The following PTPRD variants were observed in gnomAD, a reference collection of about 807,000 sequenced individuals.
PTPRD encodes the protein receptor-type tyrosine-protein phosphatase delta.
In PTPRD, 34 loss-of-function variants were observed where a neutral mutation model predicts 214.5. The observed-to-expected ratio is 0.16, with a 90% CI of 0.12 to 0.21. The LOEUF (loss-of-function observed/expected upper bound fraction) is 0.21. Among genes scored for constraint, PTPRD ranks in the 10% least tolerant of loss-of-function variants. The probability of loss-of-function intolerance (pLI) is 1.00; values close to 1 mark genes in which losing one functional copy is unlikely to be tolerated. For missense variants in PTPRD, 2,545 were observed against 2,398.7 expected, an observed-to-expected ratio of 1.06 and a Z score of -1.27; for synonymous variants, 1,128 against 845.7, an observed-to-expected ratio of 1.33 and a Z score of -5.79.
At chr9:8,335,356 A>G (rs10976967) in intron 43 of PTPRD, among the ~76,000 whole-genome samples, 89,380 of 149,026 alleles carry the variant, frequency 0.6, 28,929 homozygotes, top group East Asian at 0.83. Flanking sequence ...ATCAATAAAC[A>G]TAATCCATCA....
intron 11 of PTPRD, among the ~76,000 whole-genome samples, chr9:8,864,483 G>T (rs1167436868): frequency 6.6e-6 from 1 of 152,320 alleles, no homozygotes; most frequent in Non-Finnish European, 1.5e-5. Flanking sequence ...TTCAAAGCTA[G>T]TAAGACTTCT....
At chr9:8,710,187 G>A (rs2098300616) in intron 12 of PTPRD, among the ~76,000 whole-genome samples, 1 of 152,140 alleles carries the variant, frequency 6.6e-6, no homozygotes, top group East Asian at 1.9e-4. Context: ...GACCATATAT[G>A]CTCCTGGTAA....
rs570385941 is a variant in PTPRD at position 10,208,469 on chromosome 9, G to C, written c.-545+132494C>G. On this transcript the variant is annotated intron_variant, in intron 3 of 45. Transcript: ENST00000381196. ...GCGGAGCTTGCAGTGAACGGAGATC[G>C]CGCCACTGCACTCCAGCCTGGGCGA... 3.5e-4 allele frequency among the ~76,000 whole-genome samples: 53 copies of C among 152,300 alleles called. No homozygotes were observed. In the East Asian group the frequency reaches 5.0e-3, roughly 14 times the overall value.
At chr9:8,528,186 T>C in intron 15 of PTPRD, 2 of 391,288 alleles carry the variant, frequency 5.1e-6, no homozygotes, top group East Asian at 7.4e-5. Context: ...TATTTTTTAA[T>C]GGATACAACC....
intron 11 of PTPRD, among the ~76,000 whole-genome samples, chr9:9,003,978 C>G (rs2099439392): frequency 6.6e-6 from 1 of 152,046 alleles, no homozygotes; most frequent in Admixed American, 6.6e-5. Flanking sequence ...AATCTCTGGA[C>G]TAGGTCTCAT....
chr9:10,602,015 T>C (rs78947740), intron 2 of PTPRD, among the ~76,000 whole-genome samples: 4,664 of 151,906 alleles, frequency 0.031, 135 homozygotes, highest in East Asian at 0.087. Flanking sequence ...AGGAAGAGAT[T>C]TGGTGCTCAT....
intron 9 of PTPRD, among the ~76,000 whole-genome samples, chr9:9,353,456 G>A (rs1053012345): frequency 6.6e-6 from 1 of 151,834 alleles, no homozygotes; most frequent in Non-Finnish European, 1.5e-5. Context: ...CTTTGCATAT[G>A]TCTCAGAGTA....
intron 2 of PTPRD, among the ~76,000 whole-genome samples, chr9:10,534,170 T>A (rs922132468): frequency 2.0e-5 from 3 of 151,968 alleles, no homozygotes; most frequent in African/African-American, 7.2e-5. Context: ...TAGTGTAATG[T>A]GATTCAAAGA....
chr9:9,333,565 G>A (rs1228229828), intron 9 of PTPRD, among the ~76,000 whole-genome samples: 1 of 146,352 alleles, frequency 6.8e-6, no homozygotes, highest in African/African-American at 2.6e-5. Context: ...CATGATGAAA[G>A]GTGGGACTTA....
At chr9:9,371,607 T>G (rs2059516090) in intron 9 of PTPRD, among the ~76,000 whole-genome samples, 1 of 152,190 alleles carries the variant, frequency 6.6e-6, no homozygotes, top group Admixed American at 6.5e-5. Context: ...TGTGTCTCTA[T>G]CTCCTTCAGT....
intron 9 of PTPRD, among the ~76,000 whole-genome samples, chr9:9,203,559 C>G (rs2099943130): frequency 6.6e-6 from 1 of 152,156 alleles, no homozygotes; most frequent in Non-Finnish European, 1.5e-5. Flanking sequence ...ATCAGTCCCA[C>G]TGTTACAGTT....
At chr9:10,084,793 T>G (rs887534846) in intron 3 of PTPRD, among the ~76,000 whole-genome samples, 1 of 151,984 alleles carries the variant, frequency 6.6e-6, no homozygotes, top group African/African-American at 2.4e-5. Flanking sequence ...AATTCAATAG[T>G]AGACCAAATT....
chr9:10,470,756 G>A (rs2099025227), intron 2 of PTPRD, among the ~76,000 whole-genome samples: 3 of 152,138 alleles, frequency 2.0e-5, no homozygotes, highest in Admixed American at 1.3e-4. Flanking sequence ...ACTGCTTCTA[G>A]TAGAGAACCA....
chr9:9,241,934 C>T (rs4376539), intron 9 of PTPRD, among the ~76,000 whole-genome samples: 75,686 of 151,230 alleles, frequency 0.5, 19,076 homozygotes, highest in African/African-American at 0.55. Context: ...AACTTCTTCC[C>T]AGCATCGATG....
intron 11 of PTPRD, among the ~76,000 whole-genome samples, chr9:8,956,675 C>T (rs1036743979): frequency 1.3e-5 from 2 of 151,764 alleles, no homozygotes; most frequent in African/African-American, 2.4e-5. Flanking sequence ...TATCAAGCTC[C>T]TGAACTCCAC....
At position 9,068,325 on chromosome 9, in the gene PTPRD, G is replaced by C. The variant is rs148695559; in HGVS notation, c.-142-49590C>G. Among the ~76,000 whole-genome samples, 113 of 152,246 alleles carry C rather than the reference G, an allele frequency of 7.4e-4. 1 individual carries two copies. Among genetic ancestry groups the C allele is most frequent in the African/African-American group, 2.6e-3 (109 of 41,560 alleles). On this transcript the variant is annotated intron_variant, in intron 10 of 45. Coordinates refer to ENST00000381196, the MANE Select transcript of PTPRD (RefSeq NM_002839.4). ...TCTTTGAACATTTATGTACAGGTCT[G>C]TGTTAACATAGGTTTCCCCCTCCCA...
chr9:9,344,665 T>A (rs2048149694), intron 9 of PTPRD, among the ~76,000 whole-genome samples: 1 of 152,114 alleles, frequency 6.6e-6, no homozygotes, highest in Non-Finnish European at 1.5e-5. Context: ...TTCTGAAAAT[T>A]AACTTACTTT....
intron 8 of PTPRD, among the ~76,000 whole-genome samples, chr9:9,427,668 T>C (rs1365578755): frequency 3.9e-5 from 6 of 152,164 alleles, no homozygotes; most frequent in Non-Finnish European, 7.3e-5. Context: ...GAGAGAAAGG[T>C]TGGGTTACCC....
intron 11 of PTPRD, among the ~76,000 whole-genome samples, chr9:9,001,168 A>C (rs2099416745): frequency 6.6e-6 from 1 of 152,002 alleles, no homozygotes; most frequent in African/African-American, 2.4e-5. Flanking sequence ...AACATAATCA[A>C]CAGAAACGAA....
Sources: allele counts gnomAD v4.1 joint callset (sites outside exome capture counted in the v4.1 genomes callset), GRCh38; gene constraint gnomAD v4.1.1; transcripts MANE v1.5; gene names NCBI Gene and HGNC (gene_info 2026-07-23, HGNC 2026-07-21).